CAST: variants seen among roughly 807,000 people sequenced by gnomAD.
CAST encodes the protein calpastatin.
A neutral mutation model predicts 119.6 loss-of-function variants in CAST; 76 were observed. That is an observed-to-expected ratio of 0.64 (90% CI 0.53 to 0.77). The LOEUF (loss-of-function observed/expected upper bound fraction) is 0.77, where lower values mean the gene tolerates loss of function less well. Among genes scored for constraint, CAST ranks in the 30% least tolerant of loss-of-function variants. The pLI, the probability that CAST is intolerant of heterozygous loss-of-function variation, is 0.00. For synonymous variants in CAST, 319 were observed against 331.6 expected (o/e 0.96, Z 0.41); for missense variants, 953 against 946.5 (o/e 1.01, Z -0.09).
chr5:95,983,462 A>G, the CAST span, among the ~76,000 whole-genome samples: 1 of 152,200 alleles, frequency 6.6e-6, no homozygotes, highest in Admixed American at 6.5e-5. Flanking sequence ...AGACACAACT[A>G]TGGGCATTTT....
the CAST span, among the ~76,000 whole-genome samples, chr5:96,192,683 G>A: frequency 6.6e-5 from 10 of 152,264 alleles, no homozygotes; most frequent in Non-Finnish European, 8.8e-5. Context: ...CCCCATCAAC[G>A]TCAGACTTGG....
chr5:96,228,354 G>T, the CAST span, among the ~76,000 whole-genome samples: 1 of 152,142 alleles, frequency 6.6e-6, no homozygotes, highest in Non-Finnish European at 1.5e-5. Context: ...CACCCTGAAA[G>T]ATTAATCTGC....
chr5:96,325,640 C>A, the CAST span, among the ~76,000 whole-genome samples: 1 of 151,874 alleles, frequency 6.6e-6, no homozygotes, highest in South Asian at 2.1e-4. Flanking sequence ...CTACCACGTC[C>A]GGCTAAGTTT....
the CAST span, among the ~76,000 whole-genome samples, chr5:96,382,876 G>A: frequency 6.6e-6 from 1 of 152,128 alleles, no homozygotes; most frequent in African/African-American, 2.4e-5. Flanking sequence ...GCCAATTCAT[G>A]CTGCTTGAGA....
intron 1 of CAST, among the ~76,000 whole-genome samples, chr5:96,573,749 T>G (rs952392301): frequency 2.6e-5 from 4 of 152,226 alleles, no homozygotes; most frequent in Non-Finnish European, 5.9e-5. Flanking sequence ...TTACATAAAT[T>G]TAAACAGTTC....
the CAST span, among the ~76,000 whole-genome samples, chr5:96,092,736 C>T: frequency 5.3e-5 from 8 of 152,116 alleles, no homozygotes; most frequent in East Asian, 3.8e-4. Flanking sequence ...TTTCTATTTC[C>T]GGAAGAAAAA....
At chr5:96,330,101 C>T in the CAST span, among the ~76,000 whole-genome samples, 1 of 152,218 alleles carries the variant, frequency 6.6e-6, no homozygotes, top group Admixed American at 6.5e-5. Flanking sequence ...AACACCTTGT[C>T]ATTACCCAAA....
intron 20 of CAST, among the ~76,000 whole-genome samples, chr5:96,751,340 G>A (rs1309122020): frequency 6.6e-6 from 1 of 152,116 alleles, no homozygotes; most frequent in Non-Finnish European, 1.5e-5. Flanking sequence ...TTCATCATCT[G>A]CTGTGCCATT....
chr5:96,242,017 C>T, the CAST span, among the ~76,000 whole-genome samples: 4 of 143,850 alleles, frequency 2.8e-5, no homozygotes, highest in African/African-American at 1.0e-4. Context: ...TGTAGGTTGC[C>T]TGTTCACTCT....
At chr5:96,223,024 G>C in the CAST span, among the ~76,000 whole-genome samples, 2 of 152,202 alleles carry the variant, frequency 1.3e-5, no homozygotes, top group South Asian at 2.1e-4. Flanking sequence ...GACAAATTCT[G>C]CTTGTTCTCA....
chr5:96,545,427 T>G (rs761462920), intron 1 of CAST: 1 of 152,132 alleles, frequency 6.6e-6, no homozygotes, highest in South Asian at 2.1e-4. Context: ...TTTCTGTGAG[T>G]TTACAGATAG....
the CAST span, among the ~76,000 whole-genome samples, chr5:96,065,760 T>C: frequency 6.6e-6 from 1 of 152,270 alleles, no homozygotes; most frequent in South Asian, 2.1e-4. Context: ...ATTCTCTTTG[T>C]GCTGAGATGA....
chr5:96,496,523 C>T, the CAST span, among the ~76,000 whole-genome samples: 2 of 152,284 alleles, frequency 1.3e-5, no homozygotes, highest in Admixed American at 6.5e-5. Context: ...ACATTTTGGT[C>T]ATAAGGCTGC....
chr5:96,762,059 A>G (rs972786317), intron 24 of CAST: 134 of 390,580 alleles, frequency 3.4e-4, no homozygotes, highest in African/African-American at 2.5e-3. Flanking sequence ...AGAATAATCA[A>G]TATGAGAAGG....
chr5:96,429,445 A>T, the CAST span: 1 of 634,510 alleles, frequency 1.6e-6, no homozygotes, highest in Non-Finnish European at 2.8e-6. Context: ...TGAAATTAAT[A>T]TTTTTTTTCT....
chr5:96,543,935 A>G (rs1237706931), intron 1 of CAST, among the ~76,000 whole-genome samples: 1 of 152,186 alleles, frequency 6.6e-6, no homozygotes, highest in East Asian at 1.9e-4. Flanking sequence ...TTCTTTTGCC[A>G]GTACCCAATA....
chr5:96,638,228 A>C (rs548721121), intron 1 of CAST, among the ~76,000 whole-genome samples: 1 of 151,990 alleles, frequency 6.6e-6, no homozygotes, highest in East Asian at 1.9e-4. Flanking sequence ...CAACATTGTG[A>C]AACCCTGCCT....
chr5:96,047,255 T>G, the CAST span, among the ~76,000 whole-genome samples: 5 of 152,122 alleles, frequency 3.3e-5, no homozygotes, highest in African/African-American at 1.2e-4. Context: ...TTAAATAGGT[T>G]TTCATCCGTG....
the CAST span, among the ~76,000 whole-genome samples, chr5:96,470,112 C>T: frequency 2.6e-5 from 4 of 151,144 alleles, no homozygotes; most frequent in African/African-American, 7.3e-5. Context: ...CTCAACTTTC[C>T]CACTCATTTT....
Sources: allele counts gnomAD v4.1 joint callset (sites outside exome capture counted in the v4.1 genomes callset), GRCh38; gene constraint gnomAD v4.1.1; transcripts MANE v1.5; gene names NCBI Gene and HGNC (gene_info 2026-07-23, HGNC 2026-07-21).